Variants in CAMK2B observed in about 807,000 individuals in gnomAD.
CAMK2B encodes calcium/calmodulin dependent protein kinase II beta.
A neutral mutation model predicts 93.7 loss-of-function variants in CAMK2B; 27 were observed. The observed-to-expected ratio is 0.29, with a 90% confidence interval of 0.21 to 0.40. The LOEUF (loss-of-function observed/expected upper bound fraction) is 0.40, where lower values mean the gene tolerates loss of function less well. CAMK2B is among the 10% of genes least tolerant of loss of function. The pLI is 1.00. For synonymous variants in CAMK2B, 374 were observed against 358.8 expected (o/e 1.04, Z -0.48); for missense variants, 568 against 895.8 (o/e 0.63, Z 4.67).
In CAMK2B at chr7:44,265,452, C is replaced by G. The variant is rs560235500; in HGVS notation, c.161-2388G>C. ...CGCCACGGGACGTGTGGGCCAGAGC[C>G]AGGCTGAGGGAAAGGAGGACCTAGG... On this transcript the variant is annotated intron_variant, in intron 2 of 23. Transcript: ENST00000395749. Among the ~76,000 whole-genome samples the G allele has an allele frequency of 1.3e-3, 198 of 152,354 alleles. 1 individual carries two copies. Among genetic ancestry groups the G allele is most frequent in the African/African-American group, 4.7e-3 (195 of 41,580 alleles).
intron 3 of CAMK2B, 137 bp from the exon 4 acceptor site, chr7:44,259,063 G>C (rs929660272): frequency 5.1e-6 from 4 of 785,268 alleles, no homozygotes; most frequent in Non-Finnish European, 8.6e-6. Context: ...GTAGGGCCCG[G>C]GTGGGCAGGC....
intron 1 of CAMK2B, 116 bp downstream of exon 1, chr7:44,325,241 A>T: frequency 4.3e-6 from 2 of 469,610 alleles, no homozygotes; most frequent in Non-Finnish European, 5.6e-6. Context: ...CCCGGAGCCC[A>T]GAGAAGCCGG....
At chr7:44,321,988 C>A (rs1234039933) in intron 1 of CAMK2B, among the ~76,000 whole-genome samples, 1 of 152,230 alleles carries the variant, frequency 6.6e-6, no homozygotes, top group African/African-American at 2.4e-5. Flanking sequence ...CAGGGACACA[C>A]CCTAAAGAAA....
At chr7:44,305,231 T>C (rs747018008) in intron 1 of CAMK2B, among the ~76,000 whole-genome samples, 1 of 152,162 alleles carries the variant, frequency 6.6e-6, no homozygotes. Context: ...CAGTGAAAGA[T>C]GGGGCTATGC....
chr7:44,288,757 T>G (rs1785847143), intron 1 of CAMK2B, among the ~76,000 whole-genome samples: 1 of 152,064 alleles, frequency 6.6e-6, no homozygotes, highest in African/African-American at 2.4e-5. Flanking sequence ...GAAGAATTAG[T>G]TCTGGGTGGG....
intron 1 of CAMK2B, among the ~76,000 whole-genome samples, chr7:44,300,301 G>T (rs1047135139): frequency 9.9e-5 from 15 of 152,008 alleles, no homozygotes; most frequent in African/African-American, 3.6e-4. Flanking sequence ...CTCCTAAGGT[G>T]CTGGAATTAC....
At chr7:44,255,963 G>A (rs2096829935) in intron 4 of CAMK2B, among the ~76,000 whole-genome samples, 1 of 152,162 alleles carries the variant, frequency 6.6e-6, no homozygotes, top group South Asian at 2.1e-4. Flanking sequence ...GGCATTAAAG[G>A]ACTGGGTGTT....
intron 2 of CAMK2B, among the ~76,000 whole-genome samples, chr7:44,270,362 G>A (rs1291713492): frequency 6.6e-6 from 1 of 152,146 alleles, no homozygotes; most frequent in African/African-American, 2.4e-5. Context: ...CCAGCGTCTG[G>A]TTCCTCAGGG....
intron 5 of CAMK2B, among the ~76,000 whole-genome samples, chr7:44,251,930 C>A (rs2096784479): frequency 6.6e-6 from 1 of 152,184 alleles, no homozygotes; most frequent in Admixed American, 6.5e-5. Flanking sequence ...CTGCTCCAGA[C>A]CTCGCCAGGC....
chr7:44,278,332 G>A (rs1226540916), intron 2 of CAMK2B, among the ~76,000 whole-genome samples: 1 of 152,214 alleles, frequency 6.6e-6, no homozygotes, highest in South Asian at 2.1e-4. Context: ...ACATCCCTGT[G>A]AGGTAGATAC....
At chr7:44,298,764 A>G (rs934346151) in intron 1 of CAMK2B, among the ~76,000 whole-genome samples, 4 of 152,278 alleles carry the variant, frequency 2.6e-5, no homozygotes, top group African/African-American at 9.6e-5. Flanking sequence ...GGAAAACAAG[A>G]GATGTTGAAA....
intron 2 of CAMK2B, among the ~76,000 whole-genome samples, chr7:44,273,193 G>C (rs927708821): frequency 6.6e-6 from 1 of 152,138 alleles, no homozygotes; most frequent in African/African-American, 2.4e-5. Flanking sequence ...AGCCGAAACT[G>C]CCTCTGGTGG....
intron 12 of CAMK2B, among the ~76,000 whole-genome samples, chr7:44,240,387 T>A (rs377583568): frequency 2.0e-5 from 3 of 152,098 alleles, no homozygotes; most frequent in Non-Finnish European, 4.4e-5. Flanking sequence ...GGAGGCCACA[T>A]AGATGCCCGA....
intron 3 of CAMK2B, among the ~76,000 whole-genome samples, chr7:44,259,815 G>C (rs1431856152): frequency 6.6e-6 from 1 of 152,202 alleles, no homozygotes; most frequent in African/African-American, 2.4e-5. Context: ...TGCCGGTTCT[G>C]ATGATTGCTA....
Position 44,221,019 on chromosome 7 carries a change from C to T in CAMK2B, c.1598-118G>A, listed in dbSNP as rs1043779030. The T allele has an allele frequency of 5.1e-5, 41 of 808,148 alleles. 1 individual carries two copies. The highest frequency in any genetic ancestry group is 3.3e-4 in the South Asian group (21 of 62,878). 50.1% of individuals were successfully genotyped at this position (808,148 alleles called of 1,614,324 possible). ...AGCTGCATCCATGCCGTGTTCCTGC[C>T]GCTATTTGCAGAAGAGGTCCTCTCC... On this transcript the variant is annotated intron_variant, in intron 20 of 23. Transcript: ENST00000395749.
At chr7:44,263,430 C>G (rs12702072) in intron 2 of CAMK2B, among the ~76,000 whole-genome samples, 49,524 of 152,022 alleles carry the variant, frequency 0.33, 8,412 homozygotes, top group East Asian at 0.4. Flanking sequence ...TTTGTTCTTC[C>G]GAGGCAGGGG....
rs548972242 is a variant in CAMK2B, at chr7:44,265,666, A to C, written c.161-2602T>G. Among the ~76,000 whole-genome samples, 13 of 152,348 alleles carry C rather than the reference A, an allele frequency of 8.5e-5. No individual in the cohort carries two copies. In the East Asian group the frequency reaches 2.5e-3, roughly 29 times the overall value. On this transcript the variant is annotated intron_variant, in intron 2 of 23. Transcript: ENST00000395749. ...ATCGCCAAGAGCTGAGCCCCAGCCCAAAAATGATACCTATTCCTGAGCATG... is the reference window on the plus strand; with the variant it reads ...ATCGCCAAGAGCTGAGCCCCAGCCCCAAAATGATACCTATTCCTGAGCATG...
rs1793795937 is a variant in CAMK2B at position 44,312,424 on chromosome 7, G to A, written c.65+12933C>T. On this transcript the variant is annotated intron_variant, in intron 1 of 23. Coordinates refer to ENST00000395749, the MANE Select transcript of CAMK2B (RefSeq NM_001220.5). The surrounding 1 kb of genome is among the most constrained non-coding windows in gnomAD (Gnocchi z 4.1). ...GTACCTGGGAGGGCAGGAGAAGGAG[G>A]GCCACCCAAAAGACAGGATCCTTTA... 6.6e-6 allele frequency among the ~76,000 whole-genome samples: 1 copy of A among 152,056 alleles called. No individual in the cohort carries two copies. Among genetic ancestry groups the A allele is most frequent in the South Asian group, 2.1e-4 (1 of 4,796 alleles).
Position 44,312,399 on chromosome 7 carries a change from G to A in CAMK2B, c.65+12958C>T, listed in dbSNP as rs1325266090. Among the ~76,000 whole-genome samples, 1 of 152,192 alleles carries A rather than the reference G, an allele frequency of 6.6e-6. No individual in the cohort carries two copies. Among genetic ancestry groups the A allele is most frequent in the Non-Finnish European group, 1.5e-5 (1 of 68,034 alleles). On this transcript the variant is annotated intron_variant, in intron 1 of 23. Transcript: ENST00000395749. This position sits in a 1 kb window ranked among gnomAD's most constrained non-coding sequence, Gnocchi z 4.1. Reference sequence around the variant, plus strand: ...TTCAGAGCTAGGGACAAGCCACCGAGTACCTGGGAGGGCAGGAGAAGGAGG... The same window carrying A: ...TTCAGAGCTAGGGACAAGCCACCGAATACCTGGGAGGGCAGGAGAAGGAGG...
Sources: gnomAD v4.1 joint callset for allele counts (sites outside exome capture counted in the v4.1 genomes callset) on GRCh38, gnomAD v4.1.1 for gene constraint, Gnocchi (gnomAD v3.1) non-coding constraint, MANE v1.5 for transcripts, NCBI Gene and HGNC (gene_info 2026-07-23, HGNC 2026-07-21) for gene names.